Variants in BRAF observed in about 807,000 individuals in gnomAD.
BRAF encodes B-Raf proto-oncogene, serine/threonine kinase, also known as serine/threonine-protein kinase B-raf.
In BRAF, 16 loss-of-function variants were observed where a neutral mutation model predicts 104.6. The ratio of observed to expected loss-of-function variants is 0.15; its 90% confidence interval spans 0.10 to 0.23. The LOEUF (loss-of-function observed/expected upper bound fraction) is 0.23. BRAF is among the 10% of genes least tolerant of loss of function. The pLI is 1.00. For synonymous variants in BRAF, 310 were observed against 341.6 expected (o/e 0.91, Z 1.02); for missense variants, 541 against 937.3 (o/e 0.58, Z 5.52).
At chr7:140,785,262 T>G (rs1351316842) in intron 10 of BRAF, among the ~76,000 whole-genome samples, 3 of 152,108 alleles carry the variant, frequency 2.0e-5, no homozygotes, top group African/African-American at 7.2e-5. Context: ...AAGTTTCCAT[T>G]GACACTTTAA....
chr7:140,898,509 C>T (rs1189426967), intron 1 of BRAF, among the ~76,000 whole-genome samples: 1 of 152,164 alleles, frequency 6.6e-6, no homozygotes, highest in Non-Finnish European at 1.5e-5. Flanking sequence ...TGAAAACATA[C>T]TCAACCTCAC....
At chr7:140,873,153 TCA>T (rs1811805829) in intron 1 of BRAF, among the ~76,000 whole-genome samples, 1 of 144,132 alleles carries the variant, frequency 6.9e-6, no homozygotes, top group African/African-American at 2.5e-5. Context: ...AGTAAGAACA[TCA>T]CAGTCTGTGG....
intron 3 of BRAF, among the ~76,000 whole-genome samples, chr7:140,819,532 G>A (rs965894119): frequency 6.6e-6 from 1 of 152,136 alleles, no homozygotes; most frequent in South Asian, 2.1e-4. Context: ...CCTTGAATAC[G>A]AATGTTCACA....
intron 1 of BRAF, among the ~76,000 whole-genome samples, chr7:140,886,528 A>C (rs111354360): frequency 6.6e-6 from 1 of 152,266 alleles, no homozygotes; most frequent in East Asian, 1.9e-4. Context: ...AATAAACTGA[A>C]CCACAATTTC....
intron 1 of BRAF, among the ~76,000 whole-genome samples, chr7:140,872,408 C>A: frequency 6.6e-6 from 1 of 151,302 alleles, no homozygotes; most frequent in African/African-American, 2.4e-5. Flanking sequence ...AAGTTAATAT[C>A]CCAGAATACA....
chr7:140,723,827 G>A lies in BRAF; in HGVS notation c.*2667C>T. On this transcript the variant is annotated 3_prime_UTR_variant, in exon 20 of 20. Transcript: ENST00000644969. ...CTGTCTATACAATTACTCATAAAGT[G>A]CTTTTCACAAATAAGGACTTCTTCC... 1 of 1,046,350 alleles carries A rather than the reference G, an allele frequency of 9.6e-7. No individual in the cohort carries two copies. The allele number at this position is 1,046,350 out of a possible 1,614,324, so 64.8% of individuals were successfully genotyped here. A position where few individuals can be genotyped will look rare whatever the true frequency, so the allele number is the denominator to read the frequency against.
chr7:140,838,650 C>T (rs1807604868), intron 2 of BRAF, among the ~76,000 whole-genome samples: 3 of 152,048 alleles, frequency 2.0e-5, no homozygotes. Flanking sequence ...TTGAAATTAT[C>T]AAAACAATCT....
chr7:140,834,947 C>G (rs1807165692), intron 2 of BRAF, 75 bp from the exon 3 acceptor site: 1 of 1,558,960 alleles, frequency 6.4e-7, no homozygotes, highest in Non-Finnish European at 8.8e-7. Flanking sequence ...AAAATTTTAG[C>G]CTTTGATTAT....
At chr7:140,905,623 A>C (rs1271344378) in intron 1 of BRAF, among the ~76,000 whole-genome samples, 1 of 152,162 alleles carries the variant, frequency 6.6e-6, no homozygotes, top group Non-Finnish European at 1.5e-5. Flanking sequence ...TTTTGTATTT[A>C]ATGTAGCTGG....
At chr7:140,831,452 G>C (rs1163528853) in intron 3 of BRAF, among the ~76,000 whole-genome samples, 1 of 152,136 alleles carries the variant, frequency 6.6e-6, no homozygotes, top group Non-Finnish European at 1.5e-5. Context: ...AACACACACA[G>C]CAGTCACATA....
intron 2 of BRAF, among the ~76,000 whole-genome samples, chr7:140,842,536 T>C (rs1471572286): frequency 1.3e-5 from 2 of 152,084 alleles, no homozygotes; most frequent in Non-Finnish European, 2.9e-5. Context: ...TGGGCTCCAA[T>C]AAATCAAGTA....
chr7:140,869,651 A>T (rs1205008983), intron 1 of BRAF, among the ~76,000 whole-genome samples: 4 of 150,150 alleles, frequency 2.7e-5, no homozygotes, highest in African/African-American at 1.0e-4. Flanking sequence ...AAAAAAAAAG[A>T]AAAAAAAATC....
intron 1 of BRAF, among the ~76,000 whole-genome samples, chr7:140,866,640 G>T (rs893254355): frequency 6.6e-6 from 1 of 152,138 alleles, no homozygotes; most frequent in Non-Finnish European, 1.5e-5. Context: ...TAATAGTTAA[G>T]ATCAGAGAAG....
chr7:140,852,590 T>C (rs1809301644), intron 1 of BRAF, among the ~76,000 whole-genome samples: 2 of 152,188 alleles, frequency 1.3e-5, no homozygotes, highest in Non-Finnish European at 1.5e-5. Context: ...TAATTTTTCA[T>C]ATCTCCAAAA....
chr7:140,769,139 C>T (rs1799602336), intron 14 of BRAF, among the ~76,000 whole-genome samples: 1 of 150,414 alleles, frequency 6.6e-6, no homozygotes, highest in African/African-American at 2.4e-5. Flanking sequence ...TGCAGTGGTG[C>T]CATCTTGGCT....
At chr7:140,904,386 TA>T (rs1367397674) in intron 1 of BRAF, among the ~76,000 whole-genome samples, 1 of 151,044 alleles carries the variant, frequency 6.6e-6, no homozygotes, top group Admixed American at 6.6e-5. Flanking sequence ...CCAGCTCAGT[TA>T]TTTTTTTTTT....
rs572322618 is a variant in BRAF, at chr7:140,810,422, T to C, written c.505-1427A>G. Among the ~76,000 whole-genome samples, 20 of 152,022 alleles carry C rather than the reference T, an allele frequency of 1.3e-4. 3 individuals carry two copies. In the South Asian group the frequency reaches 4.0e-3, roughly 30 times the overall value. ...CATCTCTACTAAAAAACACAAAAAG[T>C]AGCCGGGCAGAGCGGCGGGCGCCTA... On this transcript the variant is annotated intron_variant, in intron 3 of 19. Coordinates refer to ENST00000644969, the MANE Select transcript of BRAF (RefSeq NM_001374258.1).
At chr7:140,892,931 A>G (rs1357075468) in intron 1 of BRAF, among the ~76,000 whole-genome samples, 1 of 152,244 alleles carries the variant, frequency 6.6e-6, no homozygotes, top group East Asian at 1.9e-4. Flanking sequence ...ACTATTGAAC[A>G]TAAGATATAA....
At position 140,722,331 on chromosome 7, in the gene BRAF, T is replaced by C; in HGVS notation, c.*4163A>G. On this transcript the variant is annotated 3_prime_UTR_variant, in exon 20 of 20. Transcript: ENST00000644969. The stretch of plus-strand genomic sequence containing the variant: ...TACCTATGCAGTCTAAATTGCACTC[T>C]AAAAATTATTAACACAGCTGAGTTA... 2 of 1,055,158 alleles carry C rather than the reference T, an allele frequency of 1.9e-6. No homozygotes were observed. Among genetic ancestry groups the C allele is most frequent in the Non-Finnish European group, 2.3e-6 (2 of 872,846 alleles). 65.4% of individuals were successfully genotyped at this position (1,055,158 alleles called of 1,614,324 possible). A position where few individuals can be genotyped will look rare whatever the true frequency, so the allele number is the denominator to read the frequency against.
Sources: allele counts gnomAD v4.1 joint callset (sites outside exome capture counted in the v4.1 genomes callset), GRCh38; gene constraint gnomAD v4.1.1; transcripts MANE v1.5; gene names NCBI Gene and HGNC (gene_info 2026-07-23, HGNC 2026-07-21).